Variants in HNF4A observed in about 807,000 individuals in gnomAD.
HNF4A encodes hepatocyte nuclear factor 4 alpha.
Under a neutral mutation model 52.4 loss-of-function variants are expected in HNF4A, and 15 were observed. The ratio of observed to expected loss-of-function variants is 0.29; its 90% confidence interval spans 0.19 to 0.44. The LOEUF is 0.44. HNF4A is among the 20% of genes least tolerant of loss of function. The pLI is 1.00. For missense variants in HNF4A, 479 were observed against 647.2 expected (o/e 0.74, Z 2.82); for synonymous variants, 280 against 264.4 (o/e 1.06, Z -0.57).
chr20:44,379,497 A>G (rs2063126358), intron 1 of HNF4A, among the ~76,000 whole-genome samples: 1 of 151,938 alleles, frequency 6.6e-6, no homozygotes, highest in Non-Finnish European at 1.5e-5. Context: ...TTGTTTTATA[A>G]TATCCATCCT....
At position 44,429,600 on chromosome 20, in the gene HNF4A, G is replaced by A. The variant is rs371405335; in HGVS notation, c.1360G>A (p.Ala454Thr). The change falls in exon 10 of 10, where the codon GCC becomes ACC. Residue 454 changes from alanine (A) to threonine (T), a missense_variant. Coordinates refer to ENST00000316099, the MANE Select transcript of HNF4A (RefSeq NM_000457.6). Reference sequence around the variant, plus strand: ...CTATAAGCTCCTGCCGGGAGCCGTCGCCACAATCGTCAAGCCCCTCTCTGC... The same window carrying A: ...CTATAAGCTCCTGCCGGGAGCCGTCACCACAATCGTCAAGCCCCTCTCTGC... 6 of 1,613,862 alleles carry A rather than the reference G, an allele frequency of 3.7e-6. No homozygotes were observed. Among genetic ancestry groups the A allele is most frequent in the Admixed American group, 1.7e-5 (1 of 59,988 alleles).
chr20:44,372,034 A>G (rs920789691), intron 1 of HNF4A, among the ~76,000 whole-genome samples: 4 of 152,186 alleles, frequency 2.6e-5, no homozygotes, highest in African/African-American at 9.6e-5. Context: ...TGTTTTTCTT[A>G]GAGGAACGTG....
chr20:44,375,215 CT>C (rs2063072391), intron 1 of HNF4A, among the ~76,000 whole-genome samples: 1 of 151,710 alleles, frequency 6.6e-6, no homozygotes, highest in South Asian at 2.1e-4. Context: ...GCTCTATCCA[CT>C]TTTTGTTGGG....
chr20:44,386,159 ATTTT>A (rs35559000), intron 1 of HNF4A, among the ~76,000 whole-genome samples: 2 of 73,054 alleles, frequency 2.7e-5, no homozygotes, highest in African/African-American at 6.0e-5. Flanking sequence ...CCACCATCTG[ATTTT>A]TTTTTTTTTT....
At chr20:44,400,151 C>T (rs2146335535), upstream of HNF4A, among the ~76,000 whole-genome samples, 1 of 152,290 alleles carries the variant, frequency 6.6e-6, no homozygotes, top group East Asian at 1.9e-4. Flanking sequence ...CAAAAATGCA[C>T]AATCCCTTGT....
Position 44,428,316 on chromosome 20 carries a change from C to T in HNF4A, c.1130-19C>T, listed in dbSNP as rs202202465. 1.8e-4 allele frequency: 285 copies of T among 1,613,528 alleles called. No individual in the cohort carries two copies. In the Middle Eastern group the frequency reaches 3.3e-3, roughly 19 times the overall value. ...TGCATCCCAGACTCTCCATCCTGAT[C>T]GACCTTCTCTACCTGCAGGGTCCCC... On this transcript the variant is annotated intron_variant, in intron 8 of 9. Coordinates refer to ENST00000316099, the MANE Select transcript of HNF4A (RefSeq NM_000457.6).
intron 1 of HNF4A, among the ~76,000 whole-genome samples, chr20:44,363,014 T>C (rs922468197): frequency 2.7e-5 from 4 of 146,336 alleles, no homozygotes; most frequent in Non-Finnish European, 4.6e-5. Flanking sequence ...CCACCATGCC[T>C]GGCTAATTTT....
intron 1 of HNF4A, among the ~76,000 whole-genome samples, chr20:44,360,465 G>A (rs1057495555): frequency 2.6e-5 from 4 of 152,122 alleles, no homozygotes; most frequent in Admixed American, 6.5e-5. Context: ...AGATATGTAG[G>A]TGCATGTGAT....
intron 9 of HNF4A, 137 bp from the exon 10 acceptor site, chr20:44,429,386 A>G: frequency 2.2e-6 from 2 of 900,964 alleles, no homozygotes; most frequent in African/African-American, 1.8e-5. Flanking sequence ...GGTTTAATTA[A>G]TTCTCTCATT....
At chr20:44,394,855 A>C (rs1434392078) in intron 1 of HNF4A, among the ~76,000 whole-genome samples, 2 of 152,234 alleles carry the variant, frequency 1.3e-5, no homozygotes, top group Non-Finnish European at 2.9e-5. Context: ...AGGCAAAATC[A>C]ACAGGCTCAG....
In HNF4A at chr20:44,429,870, G is replaced by T. The variant is rs79556791; in HGVS notation, c.*205G>T. Reference sequence around the variant, plus strand: ...GCCCTGCTCTGGATAACAAGACTTTGACTTGGGGAGACCTCTACTGCCTTG... The same window carrying T: ...GCCCTGCTCTGGATAACAAGACTTTTACTTGGGGAGACCTCTACTGCCTTG... On this transcript the variant is annotated 3_prime_UTR_variant, in exon 10 of 10. Transcript: ENST00000316099. 4.0e-5 allele frequency: 24 copies of T among 599,412 alleles called. No individual in the cohort carries two copies. The East Asian group carries it at 6.4e-4, about 16-fold the overall frequency. 37.1% of individuals were successfully genotyped at this position (599,412 alleles called of 1,614,324 possible). A position where few individuals can be genotyped will look rare whatever the true frequency, so the allele number is the denominator to read the frequency against.
upstream of HNF4A, among the ~76,000 whole-genome samples, chr20:44,398,245 G>A (rs901096227): frequency 2.6e-5 from 4 of 152,188 alleles, no homozygotes; most frequent in African/African-American, 9.7e-5. Context: ...GCAAAAAGAT[G>A]GATGTACAAT....
chr20:44,400,557 G>C (rs1295097852), upstream of HNF4A, among the ~76,000 whole-genome samples: 4 of 152,090 alleles, frequency 2.6e-5, no homozygotes, highest in African/African-American at 9.7e-5. Context: ...CCGGGAGGGG[G>C]TGGGGGTGAG....
chr20:44,421,832 G>C (rs1748213310), intron 7 of HNF4A, among the ~76,000 whole-genome samples: 1 of 145,094 alleles, frequency 6.9e-6, no homozygotes, highest in African/African-American at 2.5e-5. Flanking sequence ...ATAGTATATA[G>C]TGATATATTA....
intron 5 of HNF4A, among the ~76,000 whole-genome samples, chr20:44,416,331 T>A (rs2063664232): frequency 6.6e-6 from 1 of 152,248 alleles, no homozygotes; most frequent in Non-Finnish European, 1.5e-5. Flanking sequence ...GATTCCCAGT[T>A]GGTGTGCTTC....
At chr20:44,423,652 C>G (rs1191023684) in intron 7 of HNF4A, among the ~76,000 whole-genome samples, 1 of 152,218 alleles carries the variant, frequency 6.6e-6, no homozygotes, top group Non-Finnish European at 1.5e-5. Context: ...TGTGGCTCTG[C>G]CAACAACTGG....
chr20:44,387,972 CTT>C (rs1210093849), intron 1 of HNF4A, among the ~76,000 whole-genome samples: 3 of 152,146 alleles, frequency 2.0e-5, no homozygotes, highest in Non-Finnish European at 4.4e-5. Flanking sequence ...CTATCATTCT[CTT>C]TTGACGACTG....
chr20:44,419,997 G>A (rs771580252), intron 7 of HNF4A, 121 bp downstream of exon 7: 48 of 1,058,374 alleles, frequency 4.5e-5, no homozygotes, highest in Non-Finnish European at 6.9e-5. Flanking sequence ...ACAGCCAGGA[G>A]AGGCCGTTTT....
chr20:44,356,048 G>C (rs949420937), intron 1 of HNF4A, among the ~76,000 whole-genome samples, 195 bp downstream of exon 1: 14 of 150,602 alleles, frequency 9.3e-5, no homozygotes, highest in African/African-American at 3.4e-4. Context: ...CTTGGTGCGA[G>C]AAGTGCTGGG....
Sources: gnomAD v4.1 joint callset for allele counts (sites outside exome capture counted in the v4.1 genomes callset) on GRCh38, gnomAD v4.1.1 for gene constraint, MANE v1.5 for transcripts, NCBI Gene and HGNC (gene_info 2026-07-23, HGNC 2026-07-21) for gene names.